The following MSRB3 variants were observed in gnomAD, a reference collection of about 807,000 sequenced individuals.
MSRB3 encodes methionine-R-sulfoxide reductase B3.
In MSRB3, 13 loss-of-function variants were observed where a neutral mutation model predicts 21.0. The observed-to-expected ratio is 0.62, with a 90% confidence interval of 0.40 to 0.98. The LOEUF (loss-of-function observed/expected upper bound fraction) is 0.98, where lower values mean the gene tolerates loss of function less well. MSRB3 is among the 50% of genes least tolerant of loss of function. The pLI is 0.00. For synonymous variants in MSRB3, 87 were observed against 88.6 expected (o/e 0.98, Z 0.10); for missense variants, 199 against 230.3 (o/e 0.86, Z 0.88).
At chr12:65,339,620 T>C (rs914547990) in intron 4 of MSRB3, among the ~76,000 whole-genome samples, 1 of 152,190 alleles carries the variant, frequency 6.6e-6, no homozygotes, top group Non-Finnish European at 1.5e-5. Context: ...AGTTAAATAA[T>C]TGGGAAGAGA....
At chr12:65,280,820 A>G (rs1871971329) in intron 1 of MSRB3, among the ~76,000 whole-genome samples, 1 of 152,230 alleles carries the variant, frequency 6.6e-6, no homozygotes, top group South Asian at 2.1e-4. Flanking sequence ...TAAGATGTTA[A>G]TCCATTAAGT....
At chr12:65,328,643 G>A (rs1230877698) in intron 4 of MSRB3, 40 bp downstream of exon 4, 2 of 1,317,864 alleles carry the variant, frequency 1.5e-6, no homozygotes, top group Non-Finnish European at 2.2e-6. Context: ...CTGTATCATA[G>A]ATGGCAGCAA....
At chr12:65,443,969 A>C (rs1882500271) in intron 5 of MSRB3, among the ~76,000 whole-genome samples, 1 of 152,162 alleles carries the variant, frequency 6.6e-6, no homozygotes, top group Non-Finnish European at 1.5e-5. Context: ...TATATTGTAA[A>C]TATAATGTAA....
In MSRB3 at chr12:65,463,680, C is replaced by T. The variant is rs1883434879; in HGVS notation, c.*358C>T. 3.1e-6 allele frequency: 1 copy of T among 324,992 alleles called. No homozygotes were observed. The allele number at this position is 324,992 out of a possible 1,614,324, so 20.1% of individuals were successfully genotyped here. A position where few individuals can be genotyped will look rare whatever the true frequency, so the allele number is the denominator to read the frequency against. On this transcript the variant is annotated 3_prime_UTR_variant, in exon 7 of 7. Coordinates refer to ENST00000308259, the MANE Select transcript of MSRB3 (RefSeq NM_001031679.3). ...TCAAACATGAAAATAGAGATCTCCT[C>T]TGCAGTGTAGAGACCAGAGCTGGGC...
At chr12:65,422,406 A>T (rs201343815) in intron 5 of MSRB3, among the ~76,000 whole-genome samples, 1 of 35,078 alleles carries the variant, frequency 2.9e-5, no homozygotes, top group East Asian at 9.9e-4. Context: ...ATATATATAT[A>T]TATATATATA....
chr12:65,460,282 A>T (rs1402974857), intron 6 of MSRB3, among the ~76,000 whole-genome samples: 1 of 152,188 alleles, frequency 6.6e-6, no homozygotes, highest in Non-Finnish European at 1.5e-5. Context: ...ACTTCCATTT[A>T]TCCTCCCAGC....
chr12:65,400,583 T>G (rs1030463656), intron 5 of MSRB3, among the ~76,000 whole-genome samples: 1 of 152,206 alleles, frequency 6.6e-6, no homozygotes, highest in African/African-American at 2.4e-5. Context: ...TTGATTTTTT[T>G]GAAGGGTTTT....
chr12:65,319,655 A>G (rs770012964), intron 2 of MSRB3, among the ~76,000 whole-genome samples: 8 of 152,172 alleles, frequency 5.3e-5, no homozygotes, highest in Non-Finnish European at 8.8e-5. Flanking sequence ...TGCTCATCAC[A>G]GTTCTTGATT....
At position 65,416,185 on chromosome 12, in the gene MSRB3, G is replaced by GT. The variant is rs1219460093; in HGVS notation, c.293-37537dup. ...AATCCTTTGGTACAACTTTGCCTTT[G>GT]TTTTTTCCCATTTCTAAATCAACAC... On this transcript the variant is annotated intron_variant, in intron 5 of 6. Coordinates refer to ENST00000308259, the MANE Select transcript of MSRB3 (RefSeq NM_001031679.3). Among the ~76,000 whole-genome samples the GT allele has an allele frequency of 2.6e-5, 4 of 152,288 alleles. No homozygotes were observed. In the East Asian group the frequency reaches 7.7e-4, roughly 29 times the overall value.
chr12:65,284,694 G>A (rs1872237036), intron 1 of MSRB3: 1 of 152,166 alleles, frequency 6.6e-6, no homozygotes, highest in Non-Finnish European at 1.5e-5. Context: ...GGAGTAAAAG[G>A]AAGGGTACAG....
chr12:65,420,898 C>A (rs1881258719), intron 5 of MSRB3, among the ~76,000 whole-genome samples: 1 of 152,148 alleles, frequency 6.6e-6, no homozygotes, highest in African/African-American at 2.4e-5. Context: ...GATTCAGTGT[C>A]TTTGCTATTG....
intron 5 of MSRB3, chr12:65,418,733 G>T (rs1592618436): frequency 1.1e-6 from 1 of 901,784 alleles, no homozygotes; most frequent in Non-Finnish European, 1.8e-6. Flanking sequence ...TAATGTCTCA[G>T]AACTTTGGTG....
chr12:65,313,712 C>T (rs1462768112), intron 2 of MSRB3, among the ~76,000 whole-genome samples: 1 of 152,094 alleles, frequency 6.6e-6, no homozygotes, highest in Non-Finnish European at 1.5e-5. Context: ...TTAATGCCCT[C>T]AGTTCTCCAG....
At chr12:65,291,535 A>G (rs1872666306) in intron 1 of MSRB3, among the ~76,000 whole-genome samples, 1 of 150,814 alleles carries the variant, frequency 6.6e-6, no homozygotes. Flanking sequence ...CGATCAATCT[A>G]TTTTACAAGT....
At chr12:65,320,877 C>T (rs17824606) in intron 2 of MSRB3, among the ~76,000 whole-genome samples, 6,013 of 152,232 alleles carry the variant, frequency 0.039, 227 homozygotes, top group South Asian at 0.091. Context: ...AGCACTTTCA[C>T]TGAGGTTACC....
At chr12:65,424,683 A>G (rs1320270563) in intron 5 of MSRB3, among the ~76,000 whole-genome samples, 2 of 151,894 alleles carry the variant, frequency 1.3e-5, no homozygotes, top group African/African-American at 2.4e-5. Context: ...GCCTGATACA[A>G]TTTCAGTTTT....
chr12:65,461,523 C>T (rs552288730), intron 6 of MSRB3, among the ~76,000 whole-genome samples: 1 of 152,288 alleles, frequency 6.6e-6, no homozygotes, highest in African/African-American at 2.4e-5. Flanking sequence ...AATGAGAATG[C>T]ACTTTTAACA....
rs115116112 is a variant in MSRB3, at chr12:65,344,705, G to T, written c.263+16102G>T. Reference sequence around the variant, plus strand: ...AGACATTTTTTTACTTCCCCATTGGGCAAAAAGCTACATTCAGGGAAGAGC... The same window carrying T: ...AGACATTTTTTTACTTCCCCATTGGTCAAAAAGCTACATTCAGGGAAGAGC... On this transcript the variant is annotated intron_variant, in intron 4 of 6. Coordinates refer to ENST00000308259, the MANE Select transcript of MSRB3 (RefSeq NM_001031679.3). 4.2e-3 allele frequency among the ~76,000 whole-genome samples: 636 copies of T among 151,812 alleles called. 4 individuals are homozygous for T. Among genetic ancestry groups the T allele is most frequent in the Middle Eastern group, 0.014 (4 of 294 alleles).
intron 4 of MSRB3, among the ~76,000 whole-genome samples, chr12:65,366,149 A>G (rs1431390580): frequency 6.6e-6 from 1 of 152,168 alleles, no homozygotes; most frequent in East Asian, 1.9e-4. Flanking sequence ...GGTTTGCATT[A>G]AGAGTTCTCT....
Sources: allele counts gnomAD v4.1 joint callset (sites outside exome capture counted in the v4.1 genomes callset), GRCh38; gene constraint gnomAD v4.1.1; transcripts MANE v1.5; gene names NCBI Gene and HGNC (gene_info 2026-07-23, HGNC 2026-07-21).